The following PTPRZ1 variants were observed in gnomAD, a reference collection of about 807,000 sequenced individuals.
PTPRZ1 encodes the protein protein tyrosine phosphatase receptor type Z1, also known as receptor-type tyrosine-protein phosphatase zeta.
In PTPRZ1, 82 loss-of-function variants were observed where a neutral mutation model predicts 214.1. That is an observed-to-expected ratio of 0.38 (90% CI 0.32 to 0.46). PTPRZ1 has a LOEUF of 0.46. Among genes scored for constraint, PTPRZ1 ranks in the 20% least tolerant of loss-of-function variants. The pLI, the probability that PTPRZ1 is intolerant of heterozygous loss-of-function variation, is 1.00. For missense variants in PTPRZ1, 2,603 were observed against 2,748.7 expected (o/e 0.95, Z 1.19); for synonymous variants, 945 against 987.9 (o/e 0.96, Z 0.81).
intron 13 of PTPRZ1, among the ~76,000 whole-genome samples, chr7:122,026,896 CG>C (rs918987355): frequency 1.2e-4 from 19 of 152,142 alleles, no homozygotes; most frequent in Non-Finnish European, 2.4e-4. Flanking sequence ...AGAAATGCTT[CG>C]GGGTTACCTC....
intron 1 of PTPRZ1, among the ~76,000 whole-genome samples, chr7:121,903,056 A>G (rs1039466268): frequency 2.0e-5 from 3 of 152,194 alleles, no homozygotes; most frequent in African/African-American, 2.4e-5. Flanking sequence ...GAACATTTAC[A>G]TGTCATGCAC....
chr7:122,013,986 G>A, intron 12 of PTPRZ1, 97 bp downstream of exon 12: 1 of 1,022,562 alleles, frequency 9.8e-7, no homozygotes. Context: ...TGGTAAAATG[G>A]TACATCATCA....
intron 2 of PTPRZ1, among the ~76,000 whole-genome samples, chr7:121,935,544 TTTTGTTTGTTTGTTTG>T (rs200251497): frequency 9.1e-5 from 12 of 131,192 alleles, no homozygotes; most frequent in Middle Eastern, 4.0e-3. Context: ...TTGGGGTTTT[TTTTGTTTGTTTGTTTG>T]TTTGTTTGTT....
intron 17 of PTPRZ1, among the ~76,000 whole-genome samples, chr7:122,035,444 G>A (rs1257388052): frequency 1.3e-5 from 2 of 152,174 alleles, no homozygotes; most frequent in African/African-American, 4.8e-5. Context: ...TACGCATCAG[G>A]TAATTAAGAA....
intron 13 of PTPRZ1, among the ~76,000 whole-genome samples, chr7:122,019,480 T>G (rs1375959945): frequency 6.6e-6 from 1 of 152,212 alleles, no homozygotes; most frequent in Non-Finnish European, 1.5e-5. Context: ...GAGAAACTTT[T>G]ACCCGTTACT....
chr7:121,929,211 T>C (rs1477005765), intron 2 of PTPRZ1, among the ~76,000 whole-genome samples: 2 of 152,184 alleles, frequency 1.3e-5, no homozygotes, highest in East Asian at 1.9e-4. Flanking sequence ...AAAAAACTGC[T>C]ATAGTCCTTT....
intron 2 of PTPRZ1, among the ~76,000 whole-genome samples, chr7:121,962,890 A>G (rs1796924920): frequency 6.6e-6 from 1 of 152,014 alleles, no homozygotes; most frequent in African/African-American, 2.4e-5. Context: ...ACACTTCACT[A>G]GTTTATTTCC....
At chr7:121,882,269 C>T (rs999890467) in intron 1 of PTPRZ1, among the ~76,000 whole-genome samples, 5 of 152,136 alleles carry the variant, frequency 3.3e-5, no homozygotes, top group South Asian at 2.1e-4. Context: ...AAGATGCATA[C>T]GTAAGTAGGT....
rs1795534351 is a variant in PTPRZ1 at position 121,919,720 on chromosome 7, T to A, written c.59-8436T>A. 2.0e-5 allele frequency among the ~76,000 whole-genome samples: 3 copies of A among 152,132 alleles called. No individual in the cohort carries two copies. In the South Asian group the frequency reaches 6.2e-4, roughly 32 times the overall value. The stretch of plus-strand genomic sequence containing the variant: ...CTTTGAACCTTCATACTTTTCCTTA[T>A]CTAATTGTGATGTTTCCTTTAACAT... On this transcript the variant is annotated intron_variant, in intron 1 of 29. Transcript: ENST00000393386.
chr7:121,922,446 A>G (rs1023008267), intron 1 of PTPRZ1, among the ~76,000 whole-genome samples: 6 of 152,004 alleles, frequency 3.9e-5, no homozygotes, highest in Admixed American at 3.9e-4. Flanking sequence ...AATCCCAGCT[A>G]CTCGGGAGGC....
intron 13 of PTPRZ1, among the ~76,000 whole-genome samples, chr7:122,024,553 A>T (rs758907197): frequency 3.3e-5 from 5 of 152,080 alleles, no homozygotes; most frequent in Non-Finnish European, 5.9e-5. Context: ...TACCTAACCA[A>T]TATGCAAATG....
At chr7:122,007,117 C>T (rs1798515726) in intron 11 of PTPRZ1, among the ~76,000 whole-genome samples, 1 of 151,928 alleles carries the variant, frequency 6.6e-6, no homozygotes, top group South Asian at 2.1e-4. Context: ...ATACAACACA[C>T]TGAGGAAGGA....
chr7:121,969,219 C>CA, intron 3 of PTPRZ1, among the ~76,000 whole-genome samples: 1 of 151,962 alleles, frequency 6.6e-6, no homozygotes, highest in East Asian at 2.0e-4. Flanking sequence ...GCCTGGACAA[C>CA]AGAGTGAGAT....
intron 1 of PTPRZ1, among the ~76,000 whole-genome samples, chr7:121,881,484 G>A (rs1204618091): frequency 6.6e-6 from 1 of 152,186 alleles, no homozygotes; most frequent in Admixed American, 6.5e-5. Flanking sequence ...TGATTATAGA[G>A]CACAGCCTGG....
chr7:122,035,436 C>T (rs565672910), intron 17 of PTPRZ1, among the ~76,000 whole-genome samples: 55 of 152,232 alleles, frequency 3.6e-4, no homozygotes, highest in African/African-American at 7.2e-4. Flanking sequence ...ATAGAACATA[C>T]GCATCAGGTA....
intron 3 of PTPRZ1, among the ~76,000 whole-genome samples, chr7:121,970,171 TG>T (rs1797193685): frequency 6.6e-6 from 1 of 152,292 alleles, no homozygotes; most frequent in South Asian, 2.1e-4. Flanking sequence ...ATGGTGTATG[TG>T]TGCCACATTT....
At chr7:122,015,388 A>G (rs1325609923) in intron 12 of PTPRZ1, among the ~76,000 whole-genome samples, 1 of 152,022 alleles carries the variant, frequency 6.6e-6, no homozygotes, top group Non-Finnish European at 1.5e-5. Flanking sequence ...TTAGTTGTAT[A>G]TTTTTTCTTC....
intron 1 of PTPRZ1, among the ~76,000 whole-genome samples, chr7:121,881,075 T>G (rs539152611): frequency 6.6e-6 from 1 of 152,158 alleles, no homozygotes; most frequent in Non-Finnish European, 1.5e-5. Context: ...GTGATCGTAT[T>G]TGGGGACAGG....
At chr7:121,924,968 G>A (rs544548372) in intron 1 of PTPRZ1, among the ~76,000 whole-genome samples, 15 of 152,204 alleles carry the variant, frequency 9.9e-5, no homozygotes, top group African/African-American at 3.6e-4. Context: ...ACTATTTTGT[G>A]TCTCTTGAAG....
Sources: gnomAD v4.1 joint callset for allele counts (sites outside exome capture counted in the v4.1 genomes callset) on GRCh38, gnomAD v4.1.1 for gene constraint, MANE v1.5 for transcripts, NCBI Gene and HGNC (gene_info 2026-07-23, HGNC 2026-07-21) for gene names.